The following GC variants were observed in gnomAD, a reference collection of about 807,000 sequenced individuals.
GC encodes vitamin D-binding protein.
GC carries 43 observed loss-of-function variants against 56.7 expected under a neutral mutation model. The observed-to-expected ratio is 0.76, with a 90% confidence interval of 0.59 to 0.98. GC has a LOEUF of 0.98. Among genes scored for constraint, GC ranks in the 50% least tolerant of loss-of-function variants. GC has a pLI of 0.00. For missense variants in GC, 529 were observed against 545.9 expected, an observed-to-expected ratio of 0.97 and a Z score of 0.31; for synonymous variants, 216 against 202.7, an observed-to-expected ratio of 1.07 and a Z score of -0.56.
At chr4:71,797,830 C>T (rs967088277) in intron 1 of GC, among the ~76,000 whole-genome samples, 22 of 152,334 alleles carry the variant, frequency 1.4e-4, no homozygotes, top group African/African-American at 5.3e-4. Flanking sequence ...CTCTTTATAT[C>T]TGTCTTGATA....
chr4:71,801,436 G>T (rs998085449), intron 1 of GC, among the ~76,000 whole-genome samples: 9 of 152,110 alleles, frequency 5.9e-5, no homozygotes, highest in Non-Finnish European at 1.0e-4. Flanking sequence ...TGCCTCCTCG[G>T]CTCAGTGGGA....
chr4:71,752,507 C>A lies in GC; in HGVS notation c.1395+11G>T. The A allele has an allele frequency of 6.2e-7, 1 of 1,607,196 alleles. No homozygotes were observed. Among genetic ancestry groups the A allele is most frequent in the Non-Finnish European group, 8.5e-7 (1 of 1,176,994 alleles). ...TTCTGCCATGTTAAGTGGAGGGTTA[C>A]ATTTTCCTACCTCTGAATCACAGTA... is the stretch of plus-strand genomic sequence containing the variant. On this transcript the variant is annotated intron_variant, in intron 11 of 12. Transcript: ENST00000273951.
chr4:71,747,293 G>C (rs1434935458), intron 11 of GC, among the ~76,000 whole-genome samples: 2 of 152,134 alleles, frequency 1.3e-5, no homozygotes, highest in African/African-American at 4.8e-5. Flanking sequence ...ATCTTGGTTG[G>C]AGGTAGAGAT....
At chr4:71,760,225 T>G (rs1163793904) in intron 6 of GC, among the ~76,000 whole-genome samples, 1 of 150,830 alleles carries the variant, frequency 6.6e-6, no homozygotes, top group Non-Finnish European at 1.5e-5. Context: ...TTTTTTTTTT[T>G]GTATTTTTAG....
chr4:71,775,676 C>CT lies in GC; in HGVS notation c.59-6277dup, dbSNP rs765829620. Among the ~76,000 whole-genome samples, 4 of 151,846 alleles carry CT rather than the reference C, an allele frequency of 2.6e-5. 1 individual carries two copies. The highest frequency in any genetic ancestry group is 5.9e-5 in the Non-Finnish European group (4 of 67,908). ...AATGGGATTGCATCATACTAAAAGG[C>CT]TACTGCACAGCAAAAGAAAAATTAA... On this transcript the variant is annotated intron_variant, in intron 1 of 12. Coordinates refer to ENST00000273951, the MANE Select transcript of GC (RefSeq NM_000583.4).
At chr4:71,797,156 A>G (rs1019614949) in intron 1 of GC, among the ~76,000 whole-genome samples, 2 of 152,200 alleles carry the variant, frequency 1.3e-5, no homozygotes, top group Non-Finnish European at 2.9e-5. Flanking sequence ...GACCCACTTG[A>G]GGAGGCAGTC....
At chr4:71,793,506 G>A (rs1743019969) in intron 1 of GC, among the ~76,000 whole-genome samples, 1 of 152,134 alleles carries the variant, frequency 6.6e-6, no homozygotes, top group African/African-American at 2.4e-5. Context: ...CATTGATTTT[G>A]TATCCTGAGA....
upstream of GC, among the ~76,000 whole-genome samples, chr4:71,787,652 G>T (rs1237444725): frequency 6.6e-6 from 1 of 151,828 alleles, no homozygotes; most frequent in Non-Finnish European, 1.5e-5. Context: ...GATACAGTGA[G>T]AGTAGCTTGA....
At chr4:71,800,304 T>C (rs1182221676) in intron 1 of GC, among the ~76,000 whole-genome samples, 1 of 152,082 alleles carries the variant, frequency 6.6e-6, no homozygotes, top group Non-Finnish European at 1.5e-5. Flanking sequence ...ATTGTTCAGC[T>C]CCCACTTATG....
chr4:71,785,385 C>T (rs1023227017), upstream of GC, among the ~76,000 whole-genome samples: 11 of 151,598 alleles, frequency 7.3e-5, no homozygotes, highest in African/African-American at 2.4e-4. Flanking sequence ...TCCAGGGTCC[C>T]GCAGATAAGT....
intron 1 of GC, among the ~76,000 whole-genome samples, chr4:71,801,624 T>C (rs1402023275): frequency 1.3e-5 from 2 of 152,168 alleles, no homozygotes; most frequent in South Asian, 2.1e-4. Context: ...CGGTTTCTTA[T>C]GGAAGAAACT....
intron 1 of GC, among the ~76,000 whole-genome samples, chr4:71,795,790 G>T (rs1256069660): frequency 2.0e-5 from 3 of 152,172 alleles, no homozygotes; most frequent in African/African-American, 7.2e-5. Flanking sequence ...TGCCATGGCT[G>T]GAACCAGTTG....
At chr4:71,803,920 C>A (rs1414850427) in intron 1 of GC, 1 of 1,483,412 alleles carries the variant, frequency 6.7e-7, no homozygotes, top group Admixed American at 2.0e-5. Flanking sequence ...AATTAGAACG[C>A]AGTACCTCAC....
At chr4:71,785,165 A>G (rs1742803545), upstream of GC, among the ~76,000 whole-genome samples, 1 of 151,768 alleles carries the variant, frequency 6.6e-6, no homozygotes, top group Non-Finnish European at 1.5e-5. Flanking sequence ...ATTTGACACA[A>G]CATTGCTATG....
At chr4:71,787,157 C>T (rs569023060), upstream of GC, among the ~76,000 whole-genome samples, 1 of 151,872 alleles carries the variant, frequency 6.6e-6, no homozygotes, top group African/African-American at 2.4e-5. Flanking sequence ...TCATTCTCCC[C>T]TCTGTTACTG....
chr4:71,761,575 T>C (rs1227549496), intron 6 of GC, among the ~76,000 whole-genome samples: 1 of 152,138 alleles, frequency 6.6e-6, no homozygotes, highest in Non-Finnish European at 1.5e-5. Context: ...ATCCAAGACA[T>C]GTCAGAAGTC....
intron 1 of GC, among the ~76,000 whole-genome samples, chr4:71,771,712 T>TTC (rs1742348033): frequency 6.6e-6 from 1 of 152,176 alleles, no homozygotes; most frequent in Admixed American, 6.6e-5. Flanking sequence ...CCTTCACATC[T>TTC]TGTACATTTT....
At chr4:71,784,302 A>G, upstream of GC, 1 of 1,125,194 alleles carries the variant, frequency 8.9e-7, no homozygotes, top group Non-Finnish European at 1.1e-6. Context: ...TCAAACTGCA[A>G]AAGAGCCAAG....
intron 3 of GC, among the ~76,000 whole-genome samples, chr4:71,767,275 C>A (rs562610065): frequency 2.0e-5 from 3 of 152,080 alleles, no homozygotes; most frequent in Admixed American, 2.0e-4. Context: ...TCTGTAAAAG[C>A]CTTTATCAAA....
Sources: gnomAD v4.1 joint callset for allele counts (sites outside exome capture counted in the v4.1 genomes callset) on GRCh38, gnomAD v4.1.1 for gene constraint, MANE v1.5 for transcripts, NCBI Gene and HGNC (gene_info 2026-07-23, HGNC 2026-07-21) for gene names.